Variants in FBXO42 observed in about 807,000 individuals in gnomAD.
The protein encoded by FBXO42 is F-box only protein 42.
In FBXO42, 12 loss-of-function variants were observed where a neutral mutation model predicts 71.7. The observed-to-expected ratio is 0.17, with a 90% CI of 0.11 to 0.27. The LOEUF is 0.27. Among genes scored for constraint, FBXO42 ranks in the 10% least tolerant of loss-of-function variants. The pLI is 1.00. For synonymous variants in FBXO42, 325 were observed against 327.5 expected (o/e 0.99, Z 0.08); for missense variants, 707 against 911.9 (o/e 0.78, Z 2.89).
At chr1:16,313,364 G>T (rs1254874958) in intron 2 of FBXO42, among the ~76,000 whole-genome samples, 3 of 132,536 alleles carry the variant, frequency 2.3e-5, no homozygotes, top group Non-Finnish European at 5.2e-5. Flanking sequence ...AAGAAAGAAA[G>T]AAAGAAAGAG....
intron 4 of FBXO42, among the ~76,000 whole-genome samples, chr1:16,260,272 G>A (rs982631638): frequency 4.8e-5 from 7 of 147,142 alleles, no homozygotes; most frequent in Non-Finnish European, 5.9e-5. Flanking sequence ...GTAATGGCAC[G>A]ATCTCGGCTC....
chr1:16,271,878 C>T (rs1039611981), intron 4 of FBXO42, among the ~76,000 whole-genome samples: 2 of 151,486 alleles, frequency 1.3e-5, no homozygotes, highest in Admixed American at 1.3e-4. Context: ...GTGGCTCACA[C>T]TTGTAATCTC....
Position 16,288,469 on chromosome 1 carries a change from A to ATAC in FBXO42, c.502+6313_502+6314insGTA, listed in dbSNP as rs1056510721. ...AAAAATAAAAATAATAATAATAATA[A>ATAC]TAAACAAATGTCAAACTCTCATAAC... On this transcript the variant is annotated intron_variant, in intron 4 of 9. Transcript: ENST00000375592. 7.9e-5 allele frequency among the ~76,000 whole-genome samples: 12 copies of ATAC among 151,110 alleles called. No individual in the cohort carries two copies. In the South Asian group the frequency reaches 2.5e-3, roughly 31 times the overall value.
At chr1:16,263,350 A>T (rs1298735127) in intron 4 of FBXO42, among the ~76,000 whole-genome samples, 1 of 152,098 alleles carries the variant, frequency 6.6e-6, no homozygotes, top group East Asian at 1.9e-4. Flanking sequence ...CAGGAGGCTG[A>T]GGCAGGAGAA....
chr1:16,291,211 CA>C (rs1433124012), intron 4 of FBXO42, among the ~76,000 whole-genome samples: 1 of 152,140 alleles, frequency 6.6e-6, no homozygotes, highest in Non-Finnish European at 1.5e-5. Context: ...ATGAGTGAGT[CA>C]GGTACACCAA....
At chr1:16,299,354 G>A (rs1349944652) in intron 3 of FBXO42, among the ~76,000 whole-genome samples, 1 of 152,086 alleles carries the variant, frequency 6.6e-6, no homozygotes, top group East Asian at 1.9e-4. Flanking sequence ...AGCCAACAGC[G>A]GGGCCCTGAG....
rs1165720844 is a variant in FBXO42 at position 16,248,976 on chromosome 1, C to T, written c.*1694G>A. 1 of 152,280 alleles carries T rather than the reference C, an allele frequency of 6.6e-6. No individual in the cohort carries two copies. The highest frequency in any genetic ancestry group is 1.9e-4 in the East Asian group (1 of 5,198). 9.4% of individuals were successfully genotyped at this position (152,280 alleles called of 1,614,324 possible). A position where few individuals can be genotyped will look rare whatever the true frequency, so the allele number is the denominator to read the frequency against. ...AGGAGAAAACACACTTATCAGTACA[C>T]TTAGGCTGCCAGATGCTGGCTGAAA... On this transcript the variant is annotated 3_prime_UTR_variant, in exon 10 of 10. Transcript: ENST00000375592.
At chr1:16,344,244 C>T (rs1334546259) in intron 1 of FBXO42, among the ~76,000 whole-genome samples, 4 of 151,510 alleles carry the variant, frequency 2.6e-5, no homozygotes, top group African/African-American at 4.8e-5. Context: ...GTGATCCACC[C>T]GTCTCAGCCT....
intron 4 of FBXO42, among the ~76,000 whole-genome samples, chr1:16,257,790 C>T (rs1368766380): frequency 6.6e-6 from 1 of 151,584 alleles, no homozygotes; most frequent in African/African-American, 2.4e-5. Context: ...AAGTGATTTT[C>T]CTGCCTTAGC....
Position 16,315,229 on chromosome 1 carries a change from G to A in FBXO42, c.190C>T (p.Pro64Ser). 1 of 1,614,150 alleles carries A rather than the reference G, an allele frequency of 6.2e-7. No individual in the cohort carries two copies. Among genetic ancestry groups the A allele is most frequent in the Non-Finnish European group, 8.5e-7 (1 of 1,180,004 alleles). Residue 64 changes from proline to serine, a missense_variant, in exon 2 of 10, where the codon CCG becomes TCG. Physicochemically the swap from Pro to Ser is moderately conservative, Grantham distance 74. Coordinates refer to ENST00000375592, the MANE Select transcript of FBXO42 (RefSeq NM_018994.3). Reference protein sequence around the residue: ...VLEYILSFLSPYQEHKTAALV... With the variant: ...VLEYILSFLSSYQEHKTAALV... ...GCCGCAGTTTTGTGTTCCTGATACG[G>A]TGAGAGAAAGGACAGGATATACTCC...
In FBXO42 at chr1:16,352,372, C is replaced by T. The variant is rs1482927897; in HGVS notation, c.-135G>A. 2.5e-6 allele frequency: 1 copy of T among 398,428 alleles called. No homozygotes were observed. Among genetic ancestry groups the T allele is most frequent in the Non-Finnish European group, 4.4e-6 (1 of 225,970 alleles). The allele number at this position is 398,428 out of a possible 1,614,324, so 24.7% of individuals were successfully genotyped here. ...CAGGCCGCGACAGCCGTGCTCGGGG[C>T]TCCTCACAGCTGGCGGGACCCCGAG... is the stretch of plus-strand genomic sequence containing the variant. On this transcript the variant is annotated 5_prime_UTR_variant, in exon 1 of 10. Transcript: ENST00000375592.
intron 4 of FBXO42, among the ~76,000 whole-genome samples, chr1:16,268,295 T>C (rs718178): frequency 0.76 from 114,926 of 152,182 alleles, 43,734 homozygotes; most frequent in East Asian, 0.86. Flanking sequence ...CTGGGAGGAC[T>C]AAAAGTTACC....
At chr1:16,288,905 C>T (rs889476888) in intron 4 of FBXO42, among the ~76,000 whole-genome samples, 2 of 150,634 alleles carry the variant, frequency 1.3e-5, no homozygotes, top group Non-Finnish European at 2.9e-5. Flanking sequence ...CTGTAGTGAG[C>T]TGAGATTGCA....
Position 16,247,958 on chromosome 1 carries a change from G to C in FBXO42, c.*2712C>G, listed in dbSNP as rs1460349103. On this transcript the variant is annotated 3_prime_UTR_variant, in exon 10 of 10. Coordinates refer to ENST00000375592, the MANE Select transcript of FBXO42 (RefSeq NM_018994.3). ...TCTCAAAAGGCACACTTGCAGGAATGGAAGGGGTTAAAGCTTCAAGTAGAA... is the reference window on the plus strand; with the variant it reads ...TCTCAAAAGGCACACTTGCAGGAATCGAAGGGGTTAAAGCTTCAAGTAGAA... 1 of 152,164 alleles carries C rather than the reference G, an allele frequency of 6.6e-6. No homozygotes were observed. Among genetic ancestry groups the C allele is most frequent in the African/African-American group, 2.4e-5 (1 of 41,428 alleles). The allele number at this position is 152,164 out of a possible 1,614,324, so 9.4% of individuals were successfully genotyped here. A position where few individuals can be genotyped will look rare whatever the true frequency, so the allele number is the denominator to read the frequency against.
chr1:16,334,387 C>T (rs1025142090), intron 1 of FBXO42, among the ~76,000 whole-genome samples: 5 of 133,370 alleles, frequency 3.7e-5, no homozygotes, highest in Admixed American at 1.8e-4. Context: ...GAGCGGAGAT[C>T]GAGCCTGGGC....
At chr1:16,263,241 TCACGAGGTCA>T (rs1240396851) in intron 4 of FBXO42, among the ~76,000 whole-genome samples, 70 of 149,596 alleles carry the variant, frequency 4.7e-4, no homozygotes, top group African/African-American at 1.6e-3. Flanking sequence ...GGCGGGCGGA[TCACGAGGTCA>T]GGAGATCGAG....
intron 1 of FBXO42, among the ~76,000 whole-genome samples, chr1:16,345,923 G>A (rs1245298956): frequency 6.6e-6 from 1 of 151,034 alleles, no homozygotes; most frequent in Non-Finnish European, 1.5e-5. Context: ...GTAGATACAA[G>A]GTGAATCCGG....
rs1045565523 is a variant in FBXO42, at chr1:16,248,945, T to A, written c.*1725A>T. The A allele has an allele frequency of 1.3e-5, 2 of 152,250 alleles. No individual in the cohort carries two copies. 9.4% of individuals were successfully genotyped at this position (152,250 alleles called of 1,614,324 possible). Reference sequence around the variant, plus strand: ...GGCTAAGGGAAAGGATTCAGCATGATGTAACAGGAGAAAACACACTTATCA... The same window carrying A: ...GGCTAAGGGAAAGGATTCAGCATGAAGTAACAGGAGAAAACACACTTATCA... On this transcript the variant is annotated 3_prime_UTR_variant, in exon 10 of 10. Transcript: ENST00000375592.
intron 2 of FBXO42, among the ~76,000 whole-genome samples, chr1:16,314,637 C>T (rs901725434): frequency 6.6e-6 from 1 of 152,150 alleles, no homozygotes; most frequent in Non-Finnish European, 1.5e-5. Context: ...TACAATTAAT[C>T]CATTTGGGAC....
Sources: allele counts gnomAD v4.1 joint callset (sites outside exome capture counted in the v4.1 genomes callset), GRCh38; gene constraint gnomAD v4.1.1; transcripts MANE v1.5; gene names NCBI Gene and HGNC (gene_info 2026-07-23, HGNC 2026-07-21).